Variants in KLHL29 observed in about 807,000 individuals in gnomAD.
KLHL29 encodes kelch-like protein 29.
KLHL29 carries 21 observed loss-of-function variants against 80.4 expected under a neutral mutation model. That is an observed-to-expected ratio of 0.26 (90% CI 0.19 to 0.38). KLHL29 has a LOEUF of 0.38. Among genes scored for constraint, KLHL29 ranks in the 10% least tolerant of loss-of-function variants. KLHL29 has a pLI of 1.00. For synonymous variants in KLHL29, 511 were observed against 526.8 expected (o/e 0.97, Z 0.41); for missense variants, 867 against 1,223.9 (o/e 0.71, Z 4.35).
chr2:23,480,440 T>TCG (rs1664768425), intron 2 of KLHL29, among the ~76,000 whole-genome samples: 1 of 151,884 alleles, frequency 6.6e-6, no homozygotes, highest in Non-Finnish European at 1.5e-5. Flanking sequence ...TGAGCTGAGA[T>TCG]CGCACCACTG....
At chr2:23,538,321 A>T (rs1261544563) in intron 2 of KLHL29, among the ~76,000 whole-genome samples, 2 of 152,350 alleles carry the variant, frequency 1.3e-5, no homozygotes, top group African/African-American at 4.8e-5. Flanking sequence ...GCCTGACGTC[A>T]GTTTCACTTT....
At chr2:23,688,575 C>T (rs1418621190) in intron 6 of KLHL29, among the ~76,000 whole-genome samples, 2 of 152,094 alleles carry the variant, frequency 1.3e-5, no homozygotes, top group African/African-American at 2.4e-5. Context: ...GGCTGCGTCC[C>T]GGACTCTGGC....
intron 4 of KLHL29, among the ~76,000 whole-genome samples, chr2:23,641,395 C>G (rs886966998): frequency 1.3e-5 from 2 of 152,218 alleles, no homozygotes; most frequent in African/African-American, 4.8e-5. Flanking sequence ...ATACGTCCCC[C>G]ACCAGGGTCC....
At chr2:23,607,526 A>G (rs1249227621) in intron 3 of KLHL29, among the ~76,000 whole-genome samples, 1 of 152,208 alleles carries the variant, frequency 6.6e-6, no homozygotes, top group Non-Finnish European at 1.5e-5. Context: ...GTCATACCCT[A>G]TCTTATACAT....
At chr2:23,451,044 C>A (rs1157046726) in intron 1 of KLHL29, among the ~76,000 whole-genome samples, 2 of 152,186 alleles carry the variant, frequency 1.3e-5, no homozygotes, top group Admixed American at 1.3e-4. Context: ...TACAATAATG[C>A]GGTCTTTTGT....
intron 3 of KLHL29, among the ~76,000 whole-genome samples, chr2:23,592,244 C>T (rs1383854415): frequency 3.2e-4 from 1 of 3,080 alleles, no homozygotes; most frequent in Non-Finnish European, 4.9e-4. Context: ...GAAGCCCGGC[C>T]ATCAGGCTGG....
chr2:23,397,009 C>T (rs1666468648), intron 1 of KLHL29, among the ~76,000 whole-genome samples: 1 of 152,164 alleles, frequency 6.6e-6, no homozygotes, highest in African/African-American at 2.4e-5. Flanking sequence ...CTCCCTGGCC[C>T]CAGGTGTCTG....
At chr2:23,399,449 C>T (rs557985232) in intron 1 of KLHL29, among the ~76,000 whole-genome samples, 1 of 152,318 alleles carries the variant, frequency 6.6e-6, no homozygotes, top group East Asian at 1.9e-4. Flanking sequence ...CAAAGTGATT[C>T]TCCTAGTAAA....
chr2:23,426,913 C>T (rs1169356008), intron 1 of KLHL29, among the ~76,000 whole-genome samples: 1 of 152,212 alleles, frequency 6.6e-6, no homozygotes, highest in Non-Finnish European at 1.5e-5. Context: ...AACAGAGCCA[C>T]ATGTGTCATT....
chr2:23,477,764 C>T (rs1254095512), intron 2 of KLHL29, among the ~76,000 whole-genome samples: 1 of 152,182 alleles, frequency 6.6e-6, no homozygotes, highest in Non-Finnish European at 1.5e-5. Flanking sequence ...GGCATCCCCG[C>T]TCCTACACGG....
At chr2:23,490,274 T>C (rs1317231792) in intron 2 of KLHL29, among the ~76,000 whole-genome samples, 1 of 151,814 alleles carries the variant, frequency 6.6e-6, no homozygotes, top group Admixed American at 6.6e-5. Context: ...AAGAGTTGGG[T>C]TGGTGGTTAA....
chr2:23,626,328 C>G (rs1274881507), intron 3 of KLHL29, among the ~76,000 whole-genome samples: 4 of 152,230 alleles, frequency 2.6e-5, no homozygotes, highest in Non-Finnish European at 4.4e-5. Flanking sequence ...ACTCACCCAT[C>G]ACTCGCCTCC....
At chr2:23,543,578 C>G (rs1666902346) in intron 2 of KLHL29, among the ~76,000 whole-genome samples, 1 of 152,146 alleles carries the variant, frequency 6.6e-6, no homozygotes, top group African/African-American at 2.4e-5. Context: ...TTCCGTGTTT[C>G]CTTGCAGTGT....
intron 3 of KLHL29, among the ~76,000 whole-genome samples, chr2:23,635,023 C>T (rs1385303131): frequency 6.6e-6 from 1 of 152,194 alleles, no homozygotes; most frequent in Non-Finnish European, 1.5e-5. Context: ...TCATTGGGTA[C>T]ACAGAGAGTA....
intron 5 of KLHL29, among the ~76,000 whole-genome samples, chr2:23,653,249 TC>T (rs1455877083): frequency 2.6e-5 from 4 of 152,072 alleles, no homozygotes; most frequent in Admixed American, 2.6e-4. Flanking sequence ...CTATCACATT[TC>T]CCCCAGAAAC....
intron 1 of KLHL29, among the ~76,000 whole-genome samples, chr2:23,387,834 A>C (rs2103379807): frequency 6.6e-6 from 1 of 152,244 alleles, no homozygotes; most frequent in East Asian, 1.9e-4. Context: ...GTGCCTTTTA[A>C]ACTCTATATG....
At chr2:23,678,701 A>G (rs1670989303) in intron 5 of KLHL29, among the ~76,000 whole-genome samples, 1 of 152,248 alleles carries the variant, frequency 6.6e-6, no homozygotes, top group Non-Finnish European at 1.5e-5. Context: ...AGTATGTGGT[A>G]TCTACATACA....
Position 23,695,849 on chromosome 2 carries a change from CAAG to C in KLHL29, c.1741+32_1741+34del. The stretch of plus-strand genomic sequence containing the variant: ...ATGAAGGGGCACGCCCCGAACCTCC[CAAG>C]AAGCAGTGTCTTGGGCTCAGTGGTT... On this transcript the variant is annotated intron_variant, in intron 9 of 13. Transcript: ENST00000486442. This position sits in a 1 kb window ranked among gnomAD's most constrained non-coding sequence, Gnocchi z 7.6. 1 of 1,540,288 alleles carries C rather than the reference CAAG, an allele frequency of 6.5e-7. No individual in the cohort carries two copies.
At chr2:23,480,287 G>A (rs1175578708) in intron 2 of KLHL29, among the ~76,000 whole-genome samples, 2 of 152,154 alleles carry the variant, frequency 1.3e-5, no homozygotes, top group Non-Finnish European at 2.9e-5. Context: ...AGGAGTTCAG[G>A]ACCAGCCTGG....
Sources: gnomAD v4.1 joint callset for allele counts (sites outside exome capture counted in the v4.1 genomes callset) on GRCh38, gnomAD v4.1.1 for gene constraint, Gnocchi (gnomAD v3.1) non-coding constraint, MANE v1.5 for transcripts, NCBI Gene and HGNC (gene_info 2026-07-23, HGNC 2026-07-21) for gene names.